CAPZA2: variants seen among roughly 807,000 people sequenced by gnomAD.
The protein encoded by CAPZA2 is F-actin-capping protein subunit alpha-2.
CAPZA2 carries 13 observed loss-of-function variants against 44.0 expected under a neutral mutation model. The observed-to-expected ratio is 0.30, with a 90% CI of 0.19 to 0.47. CAPZA2 has a LOEUF of 0.47. CAPZA2 is among the 20% of genes least tolerant of loss of function. The pLI, the probability that CAPZA2 is intolerant of heterozygous loss-of-function variation, is 1.00. For missense variants in CAPZA2, 244 were observed against 338.6 expected (o/e 0.72, Z 2.19); for synonymous variants, 94 against 108.2 (o/e 0.87, Z 0.81).
intron 1 of CAPZA2, among the ~76,000 whole-genome samples, chr7:116,865,174 CTTCTTTTTTTTTT>C (rs1490798315): frequency 8.2e-6 from 1 of 122,086 alleles, no homozygotes; most frequent in African/African-American, 3.3e-5. Context: ...TATGCGCTCT[CTTCTTTTTTTTTT>C]TTTTTTTTTT....
At chr7:116,908,096 GAA>G (rs562535745) in intron 6 of CAPZA2, among the ~76,000 whole-genome samples, 2 of 140,472 alleles carry the variant, frequency 1.4e-5, no homozygotes. Context: ...CCATCTCTAG[GAA>G]AAAAAAAAAA....
chr7:116,891,905 A>G (rs1239160855), intron 2 of CAPZA2, among the ~76,000 whole-genome samples: 4 of 152,216 alleles, frequency 2.6e-5, no homozygotes, highest in South Asian at 2.1e-4. Context: ...CTTTATTGTA[A>G]AAATGATTCA....
intron 7 of CAPZA2, among the ~76,000 whole-genome samples, chr7:116,910,772 G>A (rs1237477281): frequency 2.0e-5 from 3 of 152,074 alleles, no homozygotes; most frequent in Admixed American, 6.5e-5. Flanking sequence ...TTGGGAGGCC[G>A]AGGTGGGTGG....
At chr7:116,868,329 T>C (rs79211294) in intron 1 of CAPZA2, among the ~76,000 whole-genome samples, 8,403 of 152,308 alleles carry the variant, frequency 0.055, 797 homozygotes, top group African/African-American at 0.19. Context: ...ATAGGATGGC[T>C]GTACCTGCAG....
chr7:116,904,983 A>C (rs1791471878), intron 5 of CAPZA2, among the ~76,000 whole-genome samples: 1 of 149,832 alleles, frequency 6.7e-6, no homozygotes, highest in Non-Finnish European at 1.5e-5. Flanking sequence ...AAAAAAAAAA[A>C]AAAAAACAAT....
intron 1 of CAPZA2, among the ~76,000 whole-genome samples, chr7:116,864,708 T>C (rs1330419711): frequency 6.6e-6 from 1 of 152,090 alleles, no homozygotes; most frequent in Non-Finnish European, 1.5e-5. Flanking sequence ...GATATTTTAA[T>C]ATTACTCGTT....
intron 6 of CAPZA2, among the ~76,000 whole-genome samples, chr7:116,909,504 A>G (rs1791558443): frequency 6.6e-6 from 1 of 152,152 alleles, no homozygotes; most frequent in Non-Finnish European, 1.5e-5. Context: ...ATGTATTTGT[A>G]TACCAAAAAT....
At chr7:116,876,998 A>G (rs1465824053) in intron 1 of CAPZA2, among the ~76,000 whole-genome samples, 2 of 152,198 alleles carry the variant, frequency 1.3e-5, no homozygotes, top group African/African-American at 4.8e-5. Context: ...CCGGGACCCA[A>G]AGCTTGCTAC....
At chr7:116,905,972 T>C (rs1467106256) in intron 5 of CAPZA2, among the ~76,000 whole-genome samples, 1 of 152,234 alleles carries the variant, frequency 6.6e-6, no homozygotes, top group East Asian at 1.9e-4. Flanking sequence ...AAATAAATTA[T>C]CTACTTATGA....
intron 1 of CAPZA2, among the ~76,000 whole-genome samples, chr7:116,884,622 A>G (rs369191332): frequency 2.0e-5 from 3 of 152,288 alleles, no homozygotes; most frequent in South Asian, 2.1e-4. Context: ...TTGCTGAGTG[A>G]TATTTCATTG....
intron 5 of CAPZA2, among the ~76,000 whole-genome samples, chr7:116,905,161 A>G (rs1791476671): frequency 6.6e-6 from 1 of 151,812 alleles, no homozygotes; most frequent in Non-Finnish European, 1.5e-5. Flanking sequence ...AAGAAAAGAA[A>G]AAAAAGAAAT....
intron 1 of CAPZA2, among the ~76,000 whole-genome samples, chr7:116,881,269 C>G (rs145136062): frequency 4.6e-5 from 7 of 152,112 alleles, no homozygotes; most frequent in Admixed American, 2.0e-4. Context: ...AGAGCCCTAT[C>G]GCACATCAGA....
intron 1 of CAPZA2, among the ~76,000 whole-genome samples, chr7:116,880,656 C>T (rs1460118265): frequency 1.4e-5 from 2 of 138,642 alleles, no homozygotes; most frequent in African/African-American, 5.4e-5. Flanking sequence ...CTCGGCCTCC[C>T]AAAGTGCTGG....
Position 116,909,805 on chromosome 7 carries a change from G to T in CAPZA2, c.507-428G>T, listed in dbSNP as rs118148153. The T allele has an allele frequency of 1.6e-3, 274 of 170,448 alleles. 1 individual carries two copies. Among genetic ancestry groups the T allele is most frequent in the African/African-American group, 5.9e-3 (247 of 41,744 alleles). The allele number at this position is 170,448 out of a possible 1,614,324, so 10.6% of individuals were successfully genotyped here. On this transcript the variant is annotated intron_variant, in intron 6 of 9. Coordinates refer to ENST00000361183, the MANE Select transcript of CAPZA2 (RefSeq NM_006136.3). ...AAATATAAGTGATTTGATTGAAGAAGTAGCTTAAAATTTATCTCCACAGTA... is the reference window on the plus strand; with the variant it reads ...AAATATAAGTGATTTGATTGAAGAATTAGCTTAAAATTTATCTCCACAGTA...
At chr7:116,890,486 C>A (rs2115924444) in intron 2 of CAPZA2, among the ~76,000 whole-genome samples, 1 of 124,232 alleles carries the variant, frequency 8.0e-6, no homozygotes, top group African/African-American at 3.1e-5. Context: ...GCCTGGCCAA[C>A]ATGGTGAAAC....
intron 2 of CAPZA2, among the ~76,000 whole-genome samples, chr7:116,891,476 GTAT>G: frequency 6.6e-6 from 1 of 152,280 alleles, no homozygotes. Flanking sequence ...AATTAAAATA[GTAT>G]TATTTCAGTG....
chr7:116,917,747 T>C lies in CAPZA2; in HGVS notation c.741T>C (p.Tyr247=), dbSNP rs376533727. The change falls in exon 10 of 10, where the codon TAT becomes TAC. Residue 247 remains tyrosine, a synonymous_variant. Transcript: ENST00000361183. ...CATAGACTGCCATCAGTGAGAATTATCAGACAATGTCGGACACTACTTTCA... is the reference window on the plus strand; with the variant it reads ...CATAGACTGCCATCAGTGAGAATTACCAGACAATGTCGGACACTACTTTCA... ...NEYQTAISEN[Y]QTMSDTTFKA... 165 of 1,608,732 alleles carry C rather than the reference T, an allele frequency of 1.0e-4. No homozygotes were observed. Among genetic ancestry groups the C allele is most frequent in the Non-Finnish European group, 1.4e-4 (159 of 1,175,176 alleles).
intron 3 of CAPZA2, among the ~76,000 whole-genome samples, chr7:116,896,782 A>T (rs903018752): frequency 2.0e-5 from 3 of 152,104 alleles, no homozygotes; most frequent in African/African-American, 7.2e-5. Flanking sequence ...GTATTTGCAT[A>T]GATGGAGGGG....
intron 4 of CAPZA2, among the ~76,000 whole-genome samples, chr7:116,901,032 G>T (rs1796988115): frequency 6.6e-6 from 1 of 152,058 alleles, no homozygotes. Context: ...TGAGGTTACG[G>T]AGCAAAAGGA....
Sources: allele counts gnomAD v4.1 joint callset (sites outside exome capture counted in the v4.1 genomes callset), GRCh38; gene constraint gnomAD v4.1.1; transcripts MANE v1.5; gene names NCBI Gene and HGNC (gene_info 2026-07-23, HGNC 2026-07-21).